The following ARHGAP32 variants were observed in gnomAD, a reference collection of about 807,000 sequenced individuals.
The protein encoded by ARHGAP32 is Rho GTPase activating protein 32.
ARHGAP32 carries 51 observed loss-of-function variants against 186.5 expected under a neutral mutation model. The observed-to-expected ratio is 0.27, with a 90% CI of 0.22 to 0.35. The LOEUF (loss-of-function observed/expected upper bound fraction) is 0.35, where lower values mean the gene tolerates loss of function less well. ARHGAP32 is among the 10% of genes least tolerant of loss of function. The probability of loss-of-function intolerance (pLI) is 1.00; values close to 1 mark genes in which losing one functional copy is unlikely to be tolerated. For missense variants in ARHGAP32, 2,186 were observed against 2,623.5 expected (o/e 0.83, Z 3.64); for synonymous variants, 950 against 964.3 (o/e 0.99, Z 0.27).
chr11:129,127,250 T>C (rs937256066), intron 2 of ARHGAP32, among the ~76,000 whole-genome samples: 2 of 152,138 alleles, frequency 1.3e-5, no homozygotes, highest in African/African-American at 2.4e-5. Flanking sequence ...GATGGAAACA[T>C]GACCCAAAGG....
intron 1 of ARHGAP32, among the ~76,000 whole-genome samples, chr11:129,172,609 G>A (rs969013533): frequency 6.6e-6 from 1 of 152,124 alleles, no homozygotes. Context: ...AGACCACAGT[G>A]CAATCACATT....
intron 1 of ARHGAP32, among the ~76,000 whole-genome samples, chr11:129,277,176 T>A (rs1039835785): frequency 1.3e-5 from 2 of 152,176 alleles, no homozygotes; most frequent in Admixed American, 6.5e-5. Context: ...AGGAAAACAC[T>A]TGAATAAGTC....
At chr11:129,224,724 A>C (rs1944756294) in intron 1 of ARHGAP32, among the ~76,000 whole-genome samples, 1 of 138,786 alleles carries the variant, frequency 7.2e-6, no homozygotes. Context: ...CAAACACGCT[A>C]CTTGGACTGT....
At chr11:129,058,714 T>C (rs1940367636) in intron 10 of ARHGAP32, among the ~76,000 whole-genome samples, 1 of 152,214 alleles carries the variant, frequency 6.6e-6, no homozygotes, top group African/African-American at 2.4e-5. Context: ...CTGCGCATGA[T>C]TCTGTTTGAT....
At chr11:129,122,122 T>C (rs1469204960) in intron 5 of ARHGAP32, among the ~76,000 whole-genome samples, 1 of 152,116 alleles carries the variant, frequency 6.6e-6, no homozygotes, top group Non-Finnish European at 1.5e-5. Context: ...GCCAGTGCTT[T>C]TTCTATTTCA....
At chr11:129,234,518 T>G (rs12418338) in intron 1 of ARHGAP32, among the ~76,000 whole-genome samples, 43,731 of 151,954 alleles carry the variant, frequency 0.29, 6,596 homozygotes, top group Middle Eastern at 0.4. Context: ...TACTTTTCTG[T>G]GTATGTTGAA....
At chr11:129,128,094 T>C (rs888851951) in intron 2 of ARHGAP32, among the ~76,000 whole-genome samples, 7 of 152,332 alleles carry the variant, frequency 4.6e-5, no homozygotes, top group East Asian at 3.9e-4. Flanking sequence ...TCCCTGCCTA[T>C]ACAACCCTGT....
chr11:129,029,500 C>T (rs1939003286), intron 11 of ARHGAP32, among the ~76,000 whole-genome samples: 1 of 151,994 alleles, frequency 6.6e-6, no homozygotes, highest in African/African-American at 2.4e-5. Flanking sequence ...TCCAGTTGCT[C>T]CATTTGTTAA....
chr11:129,130,889 A>C (rs1942793177), intron 2 of ARHGAP32, among the ~76,000 whole-genome samples: 1 of 152,210 alleles, frequency 6.6e-6, no homozygotes, highest in Non-Finnish European at 1.5e-5. Context: ...TTGTACATAA[A>C]TATTAACAGA....
intron 1 of ARHGAP32, among the ~76,000 whole-genome samples, chr11:129,229,947 G>T (rs1303437778): frequency 1.3e-5 from 2 of 151,886 alleles, no homozygotes; most frequent in Non-Finnish European, 2.9e-5. Flanking sequence ...CTCCCTAGTA[G>T]CTGGGACCAC....
chr11:129,076,805 T>C (rs1005951410), intron 6 of ARHGAP32, among the ~76,000 whole-genome samples: 1 of 152,100 alleles, frequency 6.6e-6, no homozygotes, highest in African/African-American at 2.4e-5. Context: ...ATGTGGAGGC[T>C]CACATCATGA....
At chr11:129,137,362 A>C (rs1942959700) in intron 2 of ARHGAP32, among the ~76,000 whole-genome samples, 1 of 151,916 alleles carries the variant, frequency 6.6e-6, no homozygotes, top group South Asian at 2.1e-4. Flanking sequence ...AAGTGTTATA[A>C]GTATTTGTAA....
chr11:129,240,365 A>T (rs1293224990), intron 1 of ARHGAP32, among the ~76,000 whole-genome samples: 1 of 152,070 alleles, frequency 6.6e-6, no homozygotes, highest in Non-Finnish European at 1.5e-5. Context: ...GCTGTTCCAC[A>T]AACACACTCC....
chr11:129,200,867 GAAAAAA>G, intron 1 of ARHGAP32, among the ~76,000 whole-genome samples: 1 of 150,812 alleles, frequency 6.6e-6, no homozygotes, highest in Non-Finnish European at 1.5e-5. Flanking sequence ...TAGAAAAATT[GAAAAAA>G]AATCTTAATC....
chr11:129,024,911 A>C (rs1938766209), intron 11 of ARHGAP32, among the ~76,000 whole-genome samples: 1 of 152,208 alleles, frequency 6.6e-6, no homozygotes, highest in Non-Finnish European at 1.5e-5. Flanking sequence ...ATACAATATA[A>C]ATACTGAGAT....
chr11:129,066,961 G>A, intron 6 of ARHGAP32, 93 bp from the exon 7 acceptor site: 1 of 1,114,978 alleles, frequency 9.0e-7, no homozygotes, highest in Non-Finnish European at 1.2e-6. Flanking sequence ...TTATTCATGA[G>A]ATTTTATATT....
At chr11:129,171,568 C>T (rs866248447) in intron 1 of ARHGAP32, among the ~76,000 whole-genome samples, 12 of 152,148 alleles carry the variant, frequency 7.9e-5, no homozygotes, top group Non-Finnish European at 1.3e-4. Context: ...GTTTTGGTTA[C>T]GGTAGCGTTG....
chr11:129,128,589 CCTCCCT>C (rs1034516444), intron 2 of ARHGAP32, among the ~76,000 whole-genome samples: 2 of 150,898 alleles, frequency 1.3e-5, no homozygotes, highest in Non-Finnish European at 3.0e-5. Context: ...TCCCCCTCCC[CCTCCCT>C]CTCCCCGGTC....
At chr11:129,243,182 T>G (rs373199864) in intron 1 of ARHGAP32, among the ~76,000 whole-genome samples, 2 of 152,304 alleles carry the variant, frequency 1.3e-5, no homozygotes, top group African/African-American at 4.8e-5. Context: ...TTTTCCAATG[T>G]GCATTAAGAC....
Sources: gnomAD v4.1 joint callset for allele counts (sites outside exome capture counted in the v4.1 genomes callset) on GRCh38, gnomAD v4.1.1 for gene constraint, MANE v1.5 for transcripts, NCBI Gene and HGNC (gene_info 2026-07-23, HGNC 2026-07-21) for gene names.